OPCML: variants seen among roughly 807,000 people sequenced by gnomAD.
OPCML encodes opioid-binding protein/cell adhesion molecule.
Under a neutral mutation model 37.8 loss-of-function variants are expected in OPCML, and 13 were observed. The observed-to-expected ratio is 0.34, with a 90% CI of 0.22 to 0.55. The LOEUF is 0.55. Ranked by LOEUF, OPCML falls within the 20% of genes least tolerant of loss-of-function variation. The pLI is 0.91. For missense variants in OPCML, 341 were observed against 435.6 expected (o/e 0.78, Z 1.93); for synonymous variants, 176 against 168.8 (o/e 1.04, Z -0.33).
At chr11:132,453,699 G>C (rs544247597) in intron 4 of OPCML, among the ~76,000 whole-genome samples, 38 of 152,344 alleles carry the variant, frequency 2.5e-4, no homozygotes, top group African/African-American at 8.9e-4. Context: ...TATTTAGCTG[G>C]TTGGGCGTGG....
intron 1 of OPCML, among the ~76,000 whole-genome samples, chr11:133,045,568 G>A (rs1452894008): frequency 6.6e-6 from 1 of 152,170 alleles, no homozygotes; most frequent in African/African-American, 2.4e-5. Flanking sequence ...AAGGGTCAGG[G>A]TTTCACTCTT....
chr11:133,484,412 C>G (rs530205525), intron 1 of OPCML, among the ~76,000 whole-genome samples: 8 of 151,946 alleles, frequency 5.3e-5, no homozygotes, highest in Non-Finnish European at 1.0e-4. Context: ...GTTGGAAATA[C>G]GAATTGGTAA....
intron 1 of OPCML, among the ~76,000 whole-genome samples, chr11:133,430,279 G>A (rs1946090784): frequency 6.6e-6 from 1 of 152,122 alleles, no homozygotes. Flanking sequence ...GAAAGAAATT[G>A]AAGTCTGCCA....
intron 2 of OPCML, among the ~76,000 whole-genome samples, chr11:132,921,246 A>G (rs900405941): frequency 6.6e-6 from 1 of 152,266 alleles, no homozygotes; most frequent in East Asian, 1.9e-4. Flanking sequence ...ATGGAAGACA[A>G]GTTCGCCTCC....
intron 2 of OPCML, among the ~76,000 whole-genome samples, chr11:132,907,097 CA>C (rs1251018551): frequency 6.6e-6 from 1 of 152,192 alleles, no homozygotes; most frequent in East Asian, 1.9e-4. Flanking sequence ...AGCCCTCTAA[CA>C]TATCGTAAGA....
At chr11:133,410,971 C>T (rs1156447861) in intron 1 of OPCML, among the ~76,000 whole-genome samples, 1 of 152,174 alleles carries the variant, frequency 6.6e-6, no homozygotes, top group Non-Finnish European at 1.5e-5. Flanking sequence ...TTACCCAATA[C>T]CTCCCATTGC....
At chr11:133,467,918 A>T (rs371898500) in intron 1 of OPCML, among the ~76,000 whole-genome samples, 22 of 152,288 alleles carry the variant, frequency 1.4e-4, no homozygotes, top group African/African-American at 5.3e-4. Flanking sequence ...ACAATAGATC[A>T]TTTGTATAAT....
At chr11:132,519,113 G>A (rs1591496198) in intron 4 of OPCML, among the ~76,000 whole-genome samples, 1 of 152,196 alleles carries the variant, frequency 6.6e-6, no homozygotes, top group Non-Finnish European at 1.5e-5. Flanking sequence ...GGAGTATTAA[G>A]TAGAAAGTGT....
At chr11:132,497,577 A>G (rs2137104264) in intron 4 of OPCML, among the ~76,000 whole-genome samples, 1 of 152,234 alleles carries the variant, frequency 6.6e-6, no homozygotes, top group South Asian at 2.1e-4. Flanking sequence ...GAAGTATTGG[A>G]GTGATCCATG....
At chr11:132,787,395 T>A (rs1947251566) in intron 2 of OPCML, among the ~76,000 whole-genome samples, 1 of 152,108 alleles carries the variant, frequency 6.6e-6, no homozygotes, top group African/African-American at 2.4e-5. Context: ...GCCCTTTTGG[T>A]TTTAAACAAA....
chr11:132,459,658 T>C (rs2096094344), intron 4 of OPCML, among the ~76,000 whole-genome samples: 1 of 151,824 alleles, frequency 6.6e-6, no homozygotes, highest in African/African-American at 2.4e-5. Flanking sequence ...TTTTGGAACA[T>C]TACATATTGG....
At chr11:132,865,896 A>C (rs1460366906) in intron 2 of OPCML, among the ~76,000 whole-genome samples, 1 of 152,166 alleles carries the variant, frequency 6.6e-6, no homozygotes, top group South Asian at 2.1e-4. Context: ...TGTTTCTACC[A>C]CTTCCTGAGA....
At chr11:133,241,297 T>G (rs555789066) in intron 1 of OPCML, among the ~76,000 whole-genome samples, 2 of 152,326 alleles carry the variant, frequency 1.3e-5, no homozygotes, top group African/African-American at 4.8e-5. Context: ...GGAGTGTGCA[T>G]GGAAGAAAAT....
intron 1 of OPCML, among the ~76,000 whole-genome samples, chr11:133,098,269 G>A (rs1370944057): frequency 1.4e-5 from 2 of 146,858 alleles, no homozygotes; most frequent in African/African-American, 2.6e-5. Flanking sequence ...AGTCTGGAGT[G>A]CAGTGGCACG....
chr11:133,028,894 CAAA>C (rs56272022), intron 1 of OPCML, among the ~76,000 whole-genome samples: 29 of 140,146 alleles, frequency 2.1e-4, no homozygotes, highest in East Asian at 8.1e-4. Context: ...CTGCACACAG[CAAA>C]AAAAAAAAAA....
At chr11:133,445,659 G>C (rs1185614494) in intron 1 of OPCML, among the ~76,000 whole-genome samples, 1 of 152,178 alleles carries the variant, frequency 6.6e-6, no homozygotes, top group Non-Finnish European at 1.5e-5. Context: ...AGGAAAAGGA[G>C]AGAAACTCAC....
At chr11:132,695,155 G>A (rs1447859852) in intron 2 of OPCML, among the ~76,000 whole-genome samples, 3 of 152,036 alleles carry the variant, frequency 2.0e-5, no homozygotes, top group East Asian at 1.9e-4. Context: ...TTAATTAAAA[G>A]GATATGTGGT....
At chr11:132,441,331 C>A (rs1436063363) in intron 4 of OPCML, among the ~76,000 whole-genome samples, 1 of 150,596 alleles carries the variant, frequency 6.6e-6, no homozygotes, top group Non-Finnish European at 1.5e-5. Flanking sequence ...CTACGCCCGG[C>A]TAATTTTTTT....
intron 2 of OPCML, among the ~76,000 whole-genome samples, chr11:132,889,551 C>T (rs1943563040): frequency 6.6e-6 from 1 of 152,204 alleles, no homozygotes; most frequent in Non-Finnish European, 1.5e-5. Context: ...ATAATGAAGG[C>T]CAACTGGGCA....
Sources: allele counts gnomAD v4.1 joint callset (sites outside exome capture counted in the v4.1 genomes callset), GRCh38; gene constraint gnomAD v4.1.1; transcripts MANE v1.5; gene names NCBI Gene and HGNC (gene_info 2026-07-23, HGNC 2026-07-21).